Variants in VPS13C observed in about 807,000 individuals in gnomAD.
VPS13C encodes intermembrane lipid transfer protein VPS13C.
In VPS13C, 358 loss-of-function variants were observed where a neutral mutation model predicts 456.8. The observed-to-expected ratio is 0.78, with a 90% confidence interval of 0.72 to 0.86. The LOEUF (loss-of-function observed/expected upper bound fraction) is 0.86, where lower values mean the gene tolerates loss of function less well. Ranked by LOEUF, VPS13C falls within the 40% of genes least tolerant of loss-of-function variation. The pLI is 0.00. For synonymous variants in VPS13C, 1,578 were observed against 1,486.7 expected (o/e 1.06, Z -1.41); for missense variants, 4,818 against 4,385.4 (o/e 1.10, Z -2.79).
intron 84 of VPS13C, 119 bp downstream of exon 84, chr15:61,854,752 T>A (rs1460103534): frequency 1.3e-5 from 14 of 1,041,952 alleles, no homozygotes; most frequent in Non-Finnish European, 2.0e-5. Flanking sequence ...TAAGTTTATA[T>A]ATCCATCCAT....
In VPS13C at chr15:61,920,238, C is replaced by G. The variant is rs1286378010; in HGVS notation, c.7306G>C (p.Val2436Leu). ...VKNAVGVPIKVKPNCNLRVMG... is the reference protein window; with the variant it reads ...VKNAVGVPIKLKPNCNLRVMG... Reference sequence around the variant, plus strand: ...ACTCTGAGATTACAATTGGGCTTCACCTTAATGGGAACACCTACAGCATTT... The same window carrying G: ...ACTCTGAGATTACAATTGGGCTTCAGCTTAATGGGAACACCTACAGCATTT... The change falls in exon 57 of 85, where the codon GTG becomes CTG. Residue 2436 changes from valine to leucine, a missense_variant. Transcript: ENST00000644861. The G allele has an allele frequency of 6.2e-7, 1 of 1,613,578 alleles. No individual in the cohort carries two copies. Among genetic ancestry groups the G allele is most frequent in the South Asian group, 1.1e-5 (1 of 91,028 alleles).
chr15:61,897,392 C>T lies in VPS13C; in HGVS notation c.9106-6992G>A, dbSNP rs1217083464. Among the ~76,000 whole-genome samples the T allele has an allele frequency of 4.6e-5, 7 of 152,174 alleles. No individual in the cohort carries two copies. In the South Asian group the frequency reaches 1.2e-3, roughly 27 times the overall value. On this transcript the variant is annotated intron_variant, in intron 66 of 84. Coordinates refer to ENST00000644861, the MANE Select transcript of VPS13C (RefSeq NM_020821.3). The stretch of plus-strand genomic sequence containing the variant: ...GAATGTATAACTAGAATAACCAATA[C>T]AGAGAAGTGATTAAAGGAACTGATG...
At position 61,890,343 on chromosome 15, in the gene VPS13C, G is replaced by C; in HGVS notation, c.9163C>G (p.Leu3055Val). 6.2e-7 allele frequency: 1 copy of C among 1,614,000 alleles called. No individual in the cohort carries two copies. The highest frequency in any genetic ancestry group is 8.5e-7 in the Non-Finnish European group (1 of 1,180,016). ...AGCAAAACTCTCTGGCGCCCATCCA[G>C]AAATGATACCCAGTGTATCTGGATG... The part of the protein sequence containing the change: ...ANIQIHWVSF[L>V]DGRQRVLLFT... Residue 3055 changes from leucine (L) to valine (V), a missense_variant, in exon 67 of 85, where the codon CTG (leucine) becomes GTG (valine). Around this residue, in one of 3 missense-constraint regions of VPS13C, gnomAD observed 4,552 missense variants for 4,130.6 expected, o/e 1.10. Coordinates refer to ENST00000644861, the MANE Select transcript of VPS13C (RefSeq NM_020821.3).
intron 45 of VPS13C, 28 bp from the exon 46 acceptor site, chr15:61,942,095 A>G (rs764394679): frequency 6.9e-5 from 105 of 1,513,396 alleles, no homozygotes; most frequent in East Asian, 1.6e-4. Context: ...TATTTAGGGG[A>G]AAAAAGGCAT....
chr15:62,056,463 G>A (rs1320584331), intron 1 of VPS13C, among the ~76,000 whole-genome samples: 1 of 152,244 alleles, frequency 6.6e-6, no homozygotes, highest in African/African-American at 2.4e-5. Flanking sequence ...CCTTGGTCTA[G>A]CGGTAACGCC....
chr15:61,914,464 G>A (rs1346854044), intron 61 of VPS13C, among the ~76,000 whole-genome samples: 1 of 151,932 alleles, frequency 6.6e-6, no homozygotes, highest in Non-Finnish European at 1.5e-5. Context: ...AGCTACTTGG[G>A]AGGTTGAGGC....
In VPS13C at chr15:61,972,657, T is replaced by C. The variant is rs1181926096; in HGVS notation, c.2725A>G (p.Ile909Val). 1.9e-6 allele frequency: 3 copies of C among 1,613,494 alleles called. No individual in the cohort carries two copies. The highest frequency in any genetic ancestry group is 2.5e-6 in the Non-Finnish European group (3 of 1,179,690). Residue 909 changes from isoleucine to valine, a missense_variant, in exon 27 of 85, where the codon ATC (isoleucine) becomes GTC (valine). Physicochemically the swap from Ile to Val is conservative, Grantham distance 29. Around this residue, in one of 3 missense-constraint regions of VPS13C, gnomAD observed 4,552 missense variants for 4,130.6 expected, o/e 1.10. Coordinates refer to ENST00000644861, the MANE Select transcript of VPS13C (RefSeq NM_020821.3). ...KAAEVPNEELINLLLKFEIKE... is the reference protein window; with the variant it reads ...KAAEVPNEELVNLLLKFEIKE... The stretch of plus-strand genomic sequence containing the variant: ...ATTTCAAACTTGAGTAGAAGATTGA[T>C]GAGCTCCTCATTTGGGACCTCTGCA...
chr15:62,030,469 A>C (rs1420629354), intron 5 of VPS13C, among the ~76,000 whole-genome samples: 1 of 152,052 alleles, frequency 6.6e-6, no homozygotes, highest in Non-Finnish European at 1.5e-5. Flanking sequence ...ACCAGGAGCA[A>C]GTGCCGGCAT....
intron 16 of VPS13C, among the ~76,000 whole-genome samples, chr15:62,000,342 G>A (rs532692589): frequency 7.4e-4 from 112 of 152,166 alleles, no homozygotes; most frequent in African/African-American, 2.0e-3. Flanking sequence ...CCCAGCCCGG[G>A]AGACAGAGCA....
At chr15:61,919,495 A>C (rs766390519) in intron 57 of VPS13C, 46 bp from the exon 58 acceptor site, 2 of 1,449,512 alleles carry the variant, frequency 1.4e-6, no homozygotes. Flanking sequence ...TTAATTTGCC[A>C]ATGTTTCTCT....
chr15:61,931,200 A>T lies in VPS13C; in HGVS notation c.5928T>A (p.Leu1976=). ...SFQLGELRLH[L]MASSGKMFKD... ...TAAACATCTTCCCTGAGGAGGCCATAAGATGTAGTCTGAGTTCACCAAGTT... is the reference window on the plus strand; with the variant it reads ...TAAACATCTTCCCTGAGGAGGCCATTAGATGTAGTCTGAGTTCACCAAGTT... The change falls in exon 50 of 85, where the codon CTT becomes CTA. Residue 1976 remains leucine (L), a synonymous_variant. Transcript: ENST00000644861. The T allele has an allele frequency of 1.2e-6, 2 of 1,614,158 alleles. No homozygotes were observed. The highest frequency in any genetic ancestry group is 2.2e-5 in the South Asian group (2 of 91,080).
chr15:61,936,015 A>C (rs1261498661), intron 48 of VPS13C, among the ~76,000 whole-genome samples: 1 of 152,230 alleles, frequency 6.6e-6, no homozygotes, highest in East Asian at 1.9e-4. Flanking sequence ...ATTATGAAAA[A>C]AGAGTGAAAT....
At position 61,882,713 on chromosome 15, in the gene VPS13C, C is replaced by T; in HGVS notation, c.9507G>A (p.Met3169Ile). 1.3e-6 allele frequency: 2 copies of T among 1,586,986 alleles called. No individual in the cohort carries two copies. Among genetic ancestry groups the T allele is most frequent in the Non-Finnish European group, 1.7e-6 (2 of 1,168,758 alleles). ...GGCTACGAATAGGGAGGCGCATTTC[C>T]ATTGGATCTTTATCAAAATTGACCT... Reference protein sequence around the residue: ...NFEVNFDKDPMEMRLPIRSPI... With the variant: ...NFEVNFDKDPIEMRLPIRSPI... The change falls in exon 69 of 85, where the codon ATG (methionine) becomes ATA (isoleucine). Residue 3169 changes from methionine (M) to isoleucine (I), a missense_variant. By Grantham distance (10) the Met-to-Ile change is conservative. Around this residue, in one of 3 missense-constraint regions of VPS13C, gnomAD observed 4,552 missense variants for 4,130.6 expected, o/e 1.10. Transcript: ENST00000644861.
intron 63 of VPS13C, among the ~76,000 whole-genome samples, chr15:61,911,210 C>T (rs1448365039): frequency 6.6e-6 from 1 of 152,198 alleles, no homozygotes; most frequent in Non-Finnish European, 1.5e-5. Context: ...TTCTGGCACA[C>T]ATTCCCCCAT....
rs959711119 is a variant in VPS13C, at chr15:61,852,574, G to A, written c.*1883C>T. 12 of 152,068 alleles carry A rather than the reference G, an allele frequency of 7.9e-5. No homozygotes were observed. The highest frequency in any genetic ancestry group is 2.9e-4 in the African/African-American group (12 of 41,418). The allele number at this position is 152,068 out of a possible 1,614,324, so 9.4% of individuals were successfully genotyped here. On this transcript the variant is annotated 3_prime_UTR_variant, in exon 85 of 85. Transcript: ENST00000644861. The stretch of plus-strand genomic sequence containing the variant: ...ATGATATAATTTCTTAAATATATGG[G>A]ACATTGTCAACAGCTGTGATTCATA...
intron 9 of VPS13C, among the ~76,000 whole-genome samples, chr15:62,018,296 T>A (rs1313517976): frequency 6.6e-6 from 1 of 152,144 alleles, no homozygotes; most frequent in African/African-American, 2.4e-5. Context: ...CCTGCTTGAC[T>A]GCCCTGGCCA....
intron 61 of VPS13C, among the ~76,000 whole-genome samples, chr15:61,913,965 G>A (rs1316626490): frequency 2.0e-5 from 3 of 152,028 alleles, no homozygotes; most frequent in African/African-American, 7.2e-5. Context: ...CATACAAGAG[G>A]CAAAAAATGC....
intron 16 of VPS13C, among the ~76,000 whole-genome samples, chr15:61,993,937 T>G (rs1304269366): frequency 6.6e-6 from 1 of 152,082 alleles, no homozygotes; most frequent in Non-Finnish European, 1.5e-5. Flanking sequence ...CTACTTATTG[T>G]AAACCTATAG....
intron 15 of VPS13C, among the ~76,000 whole-genome samples, chr15:62,005,850 C>T (rs1338295568): frequency 6.6e-6 from 1 of 151,408 alleles, no homozygotes; most frequent in Non-Finnish European, 1.5e-5. Flanking sequence ...TTACGGGTGC[C>T]CACCACCACG....
Sources: allele counts gnomAD v4.1 joint callset (sites outside exome capture counted in the v4.1 genomes callset), GRCh38; gene constraint gnomAD v4.1.1; regional missense constraint gnomAD v4.1.1; transcripts MANE v1.5; gene names NCBI Gene and HGNC (gene_info 2026-07-23, HGNC 2026-07-21).